Variants in NRXN1 observed in about 807,000 individuals in gnomAD.
NRXN1 encodes the protein neurexin 1, also known as neurexin-1.
A neutral mutation model predicts 150.9 loss-of-function variants in NRXN1; 39 were observed. The observed-to-expected ratio is 0.26, with a 90% confidence interval of 0.20 to 0.34. The LOEUF (loss-of-function observed/expected upper bound fraction) is 0.34. NRXN1 is among the 10% of genes least tolerant of loss of function. NRXN1 has a pLI of 1.00. For missense variants in NRXN1, 1,815 were observed against 1,949.9 expected, an observed-to-expected ratio of 0.93 and a Z score of 1.30; for synonymous variants, 924 against 757.0, an observed-to-expected ratio of 1.22 and a Z score of -3.62.
chr2:50,709,874 G>A (rs994092398), intron 5 of NRXN1, among the ~76,000 whole-genome samples: 2 of 152,152 alleles, frequency 1.3e-5, no homozygotes, highest in Non-Finnish European at 2.9e-5. Flanking sequence ...AGATCACAAG[G>A]CTATCAAGAA....
chr2:50,621,321 G>C, intron 6 of NRXN1, 72 bp from the exon 7 acceptor site: 1 of 1,179,308 alleles, frequency 8.5e-7, no homozygotes. Flanking sequence ...TAAAAAATAT[G>C]ATGGTCTCTA....
At position 50,465,484 on chromosome 2, in the gene NRXN1, C is replaced by G; in HGVS notation, c.3322G>C (p.Asp1108His). 1.2e-6 allele frequency: 2 copies of G among 1,610,678 alleles called. No individual in the cohort carries two copies. Among genetic ancestry groups the G allele is most frequent in the Non-Finnish European group, 1.7e-6 (2 of 1,178,054 alleles). The change falls in exon 17 of 23, where the codon GAC becomes CAC. Residue 1108 changes from aspartate (D) to histidine (H), a missense_variant. By Grantham distance (81) the Asp-to-His change is moderately conservative (BLOSUM62 -1). Transcript: ENST00000401669. ...CCACTGAAGGAAGTCATACTACAGT[C>G]ACAGCTGAAGCCATCCCATTGTTGC... ...CLQQWDGFSC[D>H]CSMTSFSGPL...
chr2:50,779,099 T>A (rs1191780696), intron 5 of NRXN1, among the ~76,000 whole-genome samples: 3 of 152,086 alleles, frequency 2.0e-5, no homozygotes, highest in Non-Finnish European at 1.5e-5. Context: ...TAGGCATACT[T>A]GTGCCACAGT....
chr2:50,980,482 T>C (rs1026813218), intron 2 of NRXN1, among the ~76,000 whole-genome samples: 5 of 152,124 alleles, frequency 3.3e-5, no homozygotes, highest in African/African-American at 1.2e-4. Flanking sequence ...ATATAATCTT[T>C]AGAACATTTT....
chr2:50,287,977 G>C (rs1403561260), intron 17 of NRXN1, among the ~76,000 whole-genome samples: 1 of 151,826 alleles, frequency 6.6e-6, no homozygotes, highest in African/African-American at 2.4e-5. Context: ...GGACCTCGAG[G>C]GCATGTATAG....
At chr2:50,035,866 A>G (rs2152572093) in intron 21 of NRXN1, among the ~76,000 whole-genome samples, 1 of 152,272 alleles carries the variant, frequency 6.6e-6, no homozygotes. Context: ...TCTTTGAATA[A>G]TGGGATCACT....
chr2:50,847,481 G>C (rs1574689787), intron 5 of NRXN1, among the ~76,000 whole-genome samples: 1 of 152,108 alleles, frequency 6.6e-6, no homozygotes, highest in East Asian at 1.9e-4. Context: ...AAGCGGGGAA[G>C]GGAAGTGCTG....
At chr2:50,283,925 A>G (rs2071786812) in intron 17 of NRXN1, among the ~76,000 whole-genome samples, 2 of 152,092 alleles carry the variant, frequency 1.3e-5, no homozygotes, top group Non-Finnish European at 2.9e-5. Flanking sequence ...CAAAACGTAA[A>G]ACATCTTTCT....
At chr2:50,148,157 G>C (rs995238242) in intron 18 of NRXN1, among the ~76,000 whole-genome samples, 2 of 151,586 alleles carry the variant, frequency 1.3e-5, no homozygotes, top group African/African-American at 4.8e-5. Context: ...GTATCTGTGA[G>C]TGTGAAACTA....
chr2:50,172,614 T>A (rs1014561805), intron 18 of NRXN1, among the ~76,000 whole-genome samples: 5 of 152,204 alleles, frequency 3.3e-5, no homozygotes, highest in Admixed American at 3.3e-4. Context: ...ACATCTGGCT[T>A]TCCCAAAACT....
At position 50,526,062 on chromosome 2, in the gene NRXN1, G is replaced by A. The variant is rs72880040; in HGVS notation, c.2374+2563C>T. Among the ~76,000 whole-genome samples, 455 of 152,262 alleles carry A rather than the reference G, an allele frequency of 3.0e-3. 3 individuals are homozygous for A. The highest frequency in any genetic ancestry group is 0.011 in the African/African-American group (441 of 41,548). Reference sequence around the variant, plus strand: ...TTCACTGGCAAAGATTAGATAGTCTGACACTATGTATATTTTCCATATAAA... The same window carrying A: ...TTCACTGGCAAAGATTAGATAGTCTAACACTATGTATATTTTCCATATAAA... On this transcript the variant is annotated intron_variant, in intron 12 of 22. Transcript: ENST00000401669.
At chr2:50,194,936 T>C (rs577183590) in intron 18 of NRXN1, among the ~76,000 whole-genome samples, 447 of 152,172 alleles carry the variant, frequency 2.9e-3, no homozygotes, top group Middle Eastern at 6.8e-3. Flanking sequence ...ACTGACAGAG[T>C]GAAAGGTATA....
chr2:50,531,399 C>T lies in NRXN1; in HGVS notation c.2175G>A (p.Met725Ile), dbSNP rs2093104731. 6.2e-7 allele frequency: 1 copy of T among 1,612,274 alleles called. No homozygotes were observed. The highest frequency in any genetic ancestry group is 8.5e-7 in the Non-Finnish European group (1 of 1,179,196). Reference sequence around the variant, plus strand: ...CTACGGGGAGCTGAATTTTCATAAACATGCTCCCATCATAGCTCAAAACCG... The same window carrying T: ...CTACGGGGAGCTGAATTTTCATAAATATGCTCCCATCATAGCTCAAAACCG... ...EATVLSYDGS[M>I]FMKIQLPVVM... Residue 725 changes from methionine (M) to isoleucine (I), a missense_variant, in exon 11 of 23, where the codon ATG becomes ATA. Met to Ile is a conservative substitution (Grantham distance 10). Around this residue, in one of 6 missense-constraint regions of NRXN1, gnomAD observed 638 missense variants for 652.6 expected, o/e 0.98. Coordinates refer to ENST00000401669, the MANE Select transcript of NRXN1 (RefSeq NM_001330078.2).
chr2:50,990,189 T>G (rs558268616), intron 2 of NRXN1, among the ~76,000 whole-genome samples: 2 of 152,122 alleles, frequency 1.3e-5, no homozygotes, highest in Admixed American at 1.3e-4. Flanking sequence ...AGGGTGTTTG[T>G]GTATTTAGGA....
intron 5 of NRXN1, chr2:50,631,042 G>A (rs548804477): frequency 1.5e-4 from 64 of 418,504 alleles, no homozygotes; most frequent in African/African-American, 1.2e-3. Flanking sequence ...TATTTGCCAC[G>A]AACTGTGTAA....
chr2:50,088,070 T>A (rs1296096174), intron 19 of NRXN1, among the ~76,000 whole-genome samples: 6 of 152,146 alleles, frequency 3.9e-5, no homozygotes, highest in Non-Finnish European at 7.4e-5. Flanking sequence ...AAAGCTCTAA[T>A]TTAGCTGTTC....
intron 8 of NRXN1, among the ~76,000 whole-genome samples, chr2:50,591,998 C>G (rs1674345567): frequency 6.6e-6 from 1 of 152,134 alleles, no homozygotes; most frequent in African/African-American, 2.4e-5. Context: ...CCAAGCTGCT[C>G]CAGGCAGTGA....
At chr2:49,968,704 A>T (rs1296307323) in intron 21 of NRXN1, among the ~76,000 whole-genome samples, 1 of 152,092 alleles carries the variant, frequency 6.6e-6, no homozygotes, top group East Asian at 1.9e-4. Context: ...ATCTCCTTGA[A>T]CCACATTAAA....
chr2:50,736,336 T>C (rs554561088), intron 5 of NRXN1, among the ~76,000 whole-genome samples: 37 of 152,342 alleles, frequency 2.4e-4, no homozygotes, highest in African/African-American at 4.8e-4. Context: ...AGGCCCAACC[T>C]GCCTAAGGGA....
Sources: allele counts gnomAD v4.1 joint callset (sites outside exome capture counted in the v4.1 genomes callset), GRCh38; gene constraint gnomAD v4.1.1; regional missense constraint gnomAD v4.1.1; transcripts MANE v1.5; gene names NCBI Gene and HGNC (gene_info 2026-07-23, HGNC 2026-07-21).